ACP1: variants seen among roughly 807,000 people sequenced by gnomAD.
The protein encoded by ACP1 is low molecular weight phosphotyrosine protein phosphatase.
In ACP1, 23 loss-of-function variants were observed where a neutral mutation model predicts 23.4. The ratio of observed to expected loss-of-function variants is 0.98; its 90% CI spans 0.71 to 1.39. ACP1 has a LOEUF of 1.39. Among genes scored for constraint, ACP1 ranks in the 40% most tolerant of loss-of-function variants. ACP1 has a pLI of 0.00. For synonymous variants in ACP1, 72 were observed against 67.2 expected (o/e 1.07, Z -0.35); for missense variants, 180 against 197.7 (o/e 0.91, Z 0.54).
chr2:275,273 G>A (rs1572199311), intron 4 of ACP1, 72 bp downstream of exon 4: 1 of 839,632 alleles, frequency 1.2e-6, no homozygotes, highest in East Asian at 2.6e-5. Context: ...TTGTTGTCCA[G>A]ATTTACTTTT....
intron 3 of ACP1, chr2:272,512 A>T (rs1670074041): frequency 7.1e-7 from 1 of 1,416,038 alleles, no homozygotes; most frequent in Non-Finnish European, 9.2e-7. Context: ...ATGCACATAA[A>T]AGCTAGGTAA....
rs960123311 is a variant in ACP1 at position 277,936 on chromosome 2, C to G, written c.*632C>G. On this transcript the variant is annotated 3_prime_UTR_variant, in exon 6 of 6. Coordinates refer to ENST00000272065, the MANE Select transcript of ACP1 (RefSeq NM_004300.4). ...TGTCGAGTTTACTTCATGAGGAGGTCAGCCCATTGGCTCCCATCTGAACCA... is the reference window on the plus strand; with the variant it reads ...TGTCGAGTTTACTTCATGAGGAGGTGAGCCCATTGGCTCCCATCTGAACCA... 2 of 152,670 alleles carry G rather than the reference C, an allele frequency of 1.3e-5. No homozygotes were observed. The highest frequency in any genetic ancestry group is 2.9e-5 in the Non-Finnish European group (2 of 68,362). The allele number at this position is 152,670 out of a possible 1,614,324, so 9.5% of individuals were successfully genotyped here. A position where few individuals can be genotyped will look rare whatever the true frequency, so the allele number is the denominator to read the frequency against.
Position 277,968 on chromosome 2 carries a change from C to T in ACP1, c.*664C>T, listed in dbSNP as rs1250486378. 1 of 152,318 alleles carries T rather than the reference C, an allele frequency of 6.6e-6. No individual in the cohort carries two copies. The highest frequency in any genetic ancestry group is 1.5e-5 in the Non-Finnish European group (1 of 68,128). The allele number at this position is 152,318 out of a possible 1,614,324, so 9.4% of individuals were successfully genotyped here. ...TTGGCTCCCATCTGAACCACTTTGCCTCTGAAACTTAATTACATCCAGAAA... is the reference window on the plus strand; with the variant it reads ...TTGGCTCCCATCTGAACCACTTTGCTTCTGAAACTTAATTACATCCAGAAA... On this transcript the variant is annotated 3_prime_UTR_variant, in exon 6 of 6. Transcript: ENST00000272065.
intron 1 of ACP1, 22 bp from the exon 2 acceptor site, chr2:271,844 C>A: frequency 6.2e-7 from 1 of 1,605,700 alleles, no homozygotes; most frequent in Non-Finnish European, 8.5e-7. Context: ...CCCTGTTTCC[C>A]CACCCCTCCC....
Position 272,533 on chromosome 2 carries a change from G to A in ACP1, c.231+383G>A. ...ATAAAAGCTAGGTAATTTATAATGA[G>A]AGAGCCTGACTGTGAGCTGGGGCTG... On this transcript the variant is annotated intron_variant, in intron 3 of 5. Coordinates refer to ENST00000272065, the MANE Select transcript of ACP1 (RefSeq NM_004300.4). The A allele has an allele frequency of 2.2e-6, 3 of 1,364,584 alleles. No homozygotes were observed. The South Asian group carries it at 4.8e-5, about 22-fold the overall frequency. 84.5% of individuals were successfully genotyped at this position (1,364,584 alleles called of 1,614,324 possible).
intron 1 of ACP1, 151 bp downstream of exon 1, chr2:265,158 C>G (rs1011769697): frequency 8.4e-6 from 7 of 830,884 alleles, no homozygotes; most frequent in Admixed American, 3.7e-5. Context: ...TGTGCCGCAG[C>G]GCCCCTGTTC....
At chr2:268,535 G>T (rs916755887) in intron 1 of ACP1, among the ~76,000 whole-genome samples, 1 of 152,202 alleles carries the variant, frequency 6.6e-6, no homozygotes, top group Non-Finnish European at 1.5e-5. Flanking sequence ...GCACATGCTG[G>T]TGGAGTCACT....
At chr2:277,123 C>T in intron 5 of ACP1, 38 bp downstream of exon 5, 3 of 1,566,832 alleles carry the variant, frequency 1.9e-6, no homozygotes. Context: ...ATATGAAGAC[C>T]CAACACATTT....
At chr2:270,601 A>G (rs1375393138) in intron 1 of ACP1, among the ~76,000 whole-genome samples, 1 of 152,026 alleles carries the variant, frequency 6.6e-6, no homozygotes, top group Non-Finnish European at 1.5e-5. Flanking sequence ...TTTTATTATA[A>G]TAAATATAAT....
At chr2:266,363 TA>T (rs1197564803) in intron 1 of ACP1, 1 of 152,232 alleles carries the variant, frequency 6.6e-6, no homozygotes, top group Non-Finnish European at 1.5e-5. Context: ...ATGAAATCAA[TA>T]AGTTTATTAA....
intron 1 of ACP1, among the ~76,000 whole-genome samples, chr2:267,449 G>A (rs919949002): frequency 9.2e-5 from 14 of 152,204 alleles, no homozygotes; most frequent in African/African-American, 3.4e-4. Context: ...GTCAGGGAAG[G>A]CCCCACCTGA....
chr2:265,912 C>T (rs1669862469), intron 1 of ACP1, among the ~76,000 whole-genome samples: 1 of 152,340 alleles, frequency 6.6e-6, no homozygotes, highest in Admixed American at 6.5e-5. Context: ...GAGCCTTCAT[C>T]GCTGGGTGCC....
intron 1 of ACP1, 57 bp from the exon 2 acceptor site, chr2:271,809 G>A: frequency 2.2e-6 from 3 of 1,356,174 alleles, no homozygotes; most frequent in Non-Finnish European, 2.1e-6. Flanking sequence ...AGGGGAGCTG[G>A]CATGTGCCCT....
chr2:265,351 G>A (rs1401468076), intron 1 of ACP1: 1 of 266,610 alleles, frequency 3.8e-6, no homozygotes, highest in Non-Finnish European at 7.1e-6. Flanking sequence ...GAGGTTGTCG[G>A]ACTGATGTGG....
intron 5 of ACP1, 52 bp from the exon 6 acceptor site, chr2:277,175 A>ATG: frequency 6.3e-7 from 1 of 1,598,304 alleles, no homozygotes; most frequent in South Asian, 1.1e-5. Flanking sequence ...TGTGTTAAGG[A>ATG]TGTTTTTGTT....
intron 1 of ACP1, among the ~76,000 whole-genome samples, chr2:271,552 A>T (rs567916938): frequency 2.6e-5 from 4 of 152,076 alleles, no homozygotes; most frequent in African/African-American, 9.6e-5. Context: ...CATTTTCGTG[A>T]TTCACTCCTG....
chr2:272,781 A>G (rs1670082327), intron 3 of ACP1: 2 of 160,316 alleles, frequency 1.2e-5, no homozygotes, highest in Non-Finnish European at 2.7e-5. Context: ...TTTGGAGTCT[A>G]ATAAAGTCAC....
chr2:269,486 G>A (rs1003660302), intron 1 of ACP1: 8 of 354,708 alleles, frequency 2.3e-5, no homozygotes, highest in African/African-American at 1.1e-4. Flanking sequence ...ATAAACAGAA[G>A]ACCCTAATAG....
At chr2:267,865 G>A (rs1205375268) in intron 1 of ACP1, among the ~76,000 whole-genome samples, 1 of 152,224 alleles carries the variant, frequency 6.6e-6, no homozygotes, top group Non-Finnish European at 1.5e-5. Flanking sequence ...TCCATATGAT[G>A]AACCTGGCTG....
Sources: allele counts gnomAD v4.1 joint callset (sites outside exome capture counted in the v4.1 genomes callset), GRCh38; gene constraint gnomAD v4.1.1; transcripts MANE v1.5; gene names NCBI Gene and HGNC (gene_info 2026-07-23, HGNC 2026-07-21).